Variants in ADAM22 observed in about 807,000 individuals in gnomAD.
The protein encoded by ADAM22 is disintegrin and metalloproteinase domain-containing protein 22.
In ADAM22, 65 loss-of-function variants were observed where a neutral mutation model predicts 144.6. That is an observed-to-expected ratio of 0.45 (90% CI 0.37 to 0.55). ADAM22 has a LOEUF of 0.55. ADAM22 is among the 20% of genes least tolerant of loss of function. ADAM22 has a pLI of 0.00. For missense variants in ADAM22, 974 were observed against 1,184.9 expected (o/e 0.82, Z 2.61); for synonymous variants, 391 against 412.6 (o/e 0.95, Z 0.63).
chr7:88,042,655 A>C (rs1210852533), intron 3 of ADAM22, among the ~76,000 whole-genome samples: 1 of 151,840 alleles, frequency 6.6e-6, no homozygotes, highest in Non-Finnish European at 1.5e-5. Context: ...TCATTTAGGA[A>C]AAAAAATAGA....
At chr7:87,953,433 T>C (rs1237519532) in intron 2 of ADAM22, among the ~76,000 whole-genome samples, 1 of 152,154 alleles carries the variant, frequency 6.6e-6, no homozygotes, top group Non-Finnish European at 1.5e-5. Context: ...TTGTTCAGTT[T>C]CCATGTAGTT....
intron 2 of ADAM22, among the ~76,000 whole-genome samples, chr7:87,955,974 A>G (rs372940942): frequency 1.7e-4 from 26 of 152,180 alleles, no homozygotes; most frequent in African/African-American, 6.0e-4. Context: ...TCCTAAGCCC[A>G]TCGGAAAAGC....
chr7:88,079,773 G>C (rs933214898), intron 4 of ADAM22, among the ~76,000 whole-genome samples: 4 of 152,100 alleles, frequency 2.6e-5, no homozygotes, highest in African/African-American at 9.7e-5. Flanking sequence ...ATGGTAAAGG[G>C]ATCAATTCAA....
chr7:88,181,904 C>T, intron 28 of ADAM22, 54 bp from the exon 29 acceptor site: 1 of 1,500,588 alleles, frequency 6.7e-7, no homozygotes, highest in Non-Finnish European at 9.2e-7. Flanking sequence ...CGTAATTAGA[C>T]ATAGGGCAAT....
At chr7:88,180,196 G>A (rs559535293) in intron 27 of ADAM22, among the ~76,000 whole-genome samples, 8 of 152,168 alleles carry the variant, frequency 5.3e-5, no homozygotes, top group African/African-American at 1.4e-4. Flanking sequence ...ACTAGTTGTC[G>A]CCAAAGGAGT....
intron 2 of ADAM22, among the ~76,000 whole-genome samples, chr7:87,954,810 A>T (rs189121765): frequency 3.4e-4 from 52 of 152,232 alleles, no homozygotes; most frequent in African/African-American, 1.2e-3. Flanking sequence ...CTTCTCACAT[A>T]GTCCCATATT....
intron 2 of ADAM22, among the ~76,000 whole-genome samples, chr7:87,973,887 A>G (rs1241305036): frequency 1.3e-5 from 2 of 151,928 alleles, no homozygotes; most frequent in East Asian, 1.9e-4. Flanking sequence ...GAATTGAACA[A>G]TGAGAACACA....
At chr7:88,128,505 G>T in intron 8 of ADAM22, 97 bp from the exon 9 acceptor site, 1 of 983,964 alleles carries the variant, frequency 1.0e-6, no homozygotes, top group Non-Finnish European at 1.6e-6. Context: ...AATAAAAAGG[G>T]AAAATTTTGT....
intron 3 of ADAM22, among the ~76,000 whole-genome samples, chr7:88,007,877 A>T (rs1794344568): frequency 6.6e-6 from 1 of 152,368 alleles, no homozygotes; most frequent in East Asian, 1.9e-4. Flanking sequence ...AGCAATGGCA[A>T]CAAAAGCCAA....
At chr7:88,144,451 T>A (rs1342147012) in intron 15 of ADAM22, among the ~76,000 whole-genome samples, 2 of 152,164 alleles carry the variant, frequency 1.3e-5, no homozygotes, top group African/African-American at 4.8e-5. Flanking sequence ...GGGGAAAATT[T>A]AATTTTAGTT....
chr7:88,093,990 A>T (rs1428036153), intron 4 of ADAM22, among the ~76,000 whole-genome samples: 10 of 152,180 alleles, frequency 6.6e-5, no homozygotes, highest in Admixed American at 6.5e-4. Flanking sequence ...TTACAGTGGA[A>T]TAGAAAAAAA....
chr7:88,056,570 T>C (rs954230161), intron 3 of ADAM22, among the ~76,000 whole-genome samples: 1 of 152,218 alleles, frequency 6.6e-6, no homozygotes, highest in Admixed American at 6.5e-5. Context: ...CATCAGATAA[T>C]TGTGAAAAGA....
chr7:88,008,946 T>A (rs2129459075), intron 3 of ADAM22, among the ~76,000 whole-genome samples: 1 of 152,138 alleles, frequency 6.6e-6, no homozygotes, highest in Middle Eastern at 3.4e-3. Flanking sequence ...GAAATATCAC[T>A]GTCTATACTG....
chr7:88,058,141 G>A (rs181397802), intron 3 of ADAM22, among the ~76,000 whole-genome samples: 47 of 152,318 alleles, frequency 3.1e-4, no homozygotes, highest in African/African-American at 1.1e-3. Context: ...GAATGGACAA[G>A]TGGTAACTGA....
At chr7:88,118,258 G>C (rs1235942291) in intron 7 of ADAM22, among the ~76,000 whole-genome samples, 1 of 152,132 alleles carries the variant, frequency 6.6e-6, no homozygotes, top group Non-Finnish European at 1.5e-5. Context: ...GTTTCCTAAT[G>C]TTCCTTTCTC....
At chr7:87,961,434 A>G (rs1847972853) in intron 2 of ADAM22, among the ~76,000 whole-genome samples, 1 of 152,210 alleles carries the variant, frequency 6.6e-6, no homozygotes, top group South Asian at 2.1e-4. Flanking sequence ...AAGGAAGAAC[A>G]TACAGATTTT....
At chr7:88,051,592 C>A (rs545546981) in intron 3 of ADAM22, among the ~76,000 whole-genome samples, 35 of 152,020 alleles carry the variant, frequency 2.3e-4, no homozygotes, top group Middle Eastern at 6.8e-3. Context: ...AGGAGATATA[C>A]CTAATGTAAA....
At chr7:88,163,243 A>C in intron 23 of ADAM22, 63 bp downstream of exon 23, 1 of 1,341,754 alleles carries the variant, frequency 7.5e-7, no homozygotes, top group Non-Finnish European at 9.9e-7. Context: ...ACAGGACCCT[A>C]AACTATTTAT....
chr7:88,139,137 G>T (rs777202758), intron 14 of ADAM22, among the ~76,000 whole-genome samples: 1 of 152,202 alleles, frequency 6.6e-6, no homozygotes, highest in Non-Finnish European at 1.5e-5. Context: ...GGACTTTGGG[G>T]CTGGGCATGG....
Sources: gnomAD v4.1 joint callset for allele counts (sites outside exome capture counted in the v4.1 genomes callset) on GRCh38, gnomAD v4.1.1 for gene constraint, MANE v1.5 for transcripts, NCBI Gene and HGNC (gene_info 2026-07-23, HGNC 2026-07-21) for gene names.